The following CNTN5 variants were observed in gnomAD, a reference collection of about 807,000 sequenced individuals.
The protein encoded by CNTN5 is contactin-5.
Under a neutral mutation model 129.1 loss-of-function variants are expected in CNTN5, and 77 were observed. The ratio of observed to expected loss-of-function variants is 0.60; its 90% CI spans 0.50 to 0.72. The LOEUF (loss-of-function observed/expected upper bound fraction) is 0.72. CNTN5 is among the 30% of genes least tolerant of loss of function. The pLI is 0.00. For missense variants in CNTN5, 1,478 were observed against 1,328.8 expected (o/e 1.11, Z -1.75); for synonymous variants, 509 against 465.6 (o/e 1.09, Z -1.20).
At chr11:99,274,956 A>T (rs1295643924) in intron 1 of CNTN5, among the ~76,000 whole-genome samples, 1 of 151,674 alleles carries the variant, frequency 6.6e-6, no homozygotes, top group African/African-American at 2.4e-5. Flanking sequence ...ACACATCAAA[A>T]TAGTATTGAT....
At chr11:100,353,251 T>C (rs527910937) in intron 24 of CNTN5, among the ~76,000 whole-genome samples, 3 of 151,688 alleles carry the variant, frequency 2.0e-5, no homozygotes, top group African/African-American at 7.2e-5. Context: ...TCTTACACTA[T>C]TGTCTACCTT....
chr11:99,588,188 C>CA (rs1387374848), intron 3 of CNTN5, among the ~76,000 whole-genome samples: 2 of 151,874 alleles, frequency 1.3e-5, no homozygotes, highest in African/African-American at 4.8e-5. Context: ...CTAAAACACA[C>CA]AAAAAATTAG....
chr11:100,018,339 C>G (rs1036671452), intron 9 of CNTN5, among the ~76,000 whole-genome samples: 4 of 151,946 alleles, frequency 2.6e-5, no homozygotes, highest in African/African-American at 7.2e-5. Flanking sequence ...CCCCAGGAAA[C>G]TGATCCTGTA....
chr11:99,988,457 C>G lies in CNTN5; in HGVS notation c.878-13577C>G, dbSNP rs570282115. 3.3e-5 allele frequency among the ~76,000 whole-genome samples: 5 copies of G among 152,248 alleles called. No homozygotes were observed. In the South Asian group the frequency reaches 1.0e-3, roughly 32 times the overall value. On this transcript the variant is annotated intron_variant, in intron 8 of 24. Coordinates refer to ENST00000524871, the MANE Select transcript of CNTN5 (RefSeq NM_014361.4). ...TGAGTAAGAAACTCTTTGGAGGGAA[C>G]ATTCCTTCTGAAGAATGATAAAACT... is the stretch of plus-strand genomic sequence containing the variant.
intron 2 of CNTN5, among the ~76,000 whole-genome samples, chr11:99,420,950 G>A (rs1942859944): frequency 6.6e-6 from 1 of 152,130 alleles, no homozygotes; most frequent in Admixed American, 6.5e-5. Context: ...CAGAATCACA[G>A]CTTCTCGGAA....
At chr11:100,085,594 G>A (rs1287245513) in intron 13 of CNTN5, among the ~76,000 whole-genome samples, 1 of 151,960 alleles carries the variant, frequency 6.6e-6, no homozygotes. Flanking sequence ...TATAAAATAG[G>A]ATAAACTAAG....
intron 21 of CNTN5, 95 bp downstream of exon 21, chr11:100,308,563 G>A (rs950096323): frequency 2.8e-6 from 4 of 1,433,634 alleles, no homozygotes; most frequent in Admixed American, 5.8e-5. Context: ...AATTTCAACA[G>A]AATTTCTTAG....
At chr11:99,705,035 A>G (rs981252838) in intron 3 of CNTN5, among the ~76,000 whole-genome samples, 1 of 151,366 alleles carries the variant, frequency 6.6e-6, no homozygotes, top group Non-Finnish European at 1.5e-5. Flanking sequence ...TTTATTTTGG[A>G]AAAAGCTAAT....
intron 1 of CNTN5, among the ~76,000 whole-genome samples, chr11:99,199,316 A>T (rs1859053010): frequency 6.6e-6 from 1 of 152,200 alleles, no homozygotes; most frequent in African/African-American, 2.4e-5. Flanking sequence ...AGTAAGAAAA[A>T]ACATGAAGTG....
At chr11:100,314,411 A>G (rs1951536909) in intron 21 of CNTN5, among the ~76,000 whole-genome samples, 1 of 152,152 alleles carries the variant, frequency 6.6e-6, no homozygotes, top group South Asian at 2.1e-4. Context: ...TAGAGCAGGT[A>G]AATTAGAAAC....
chr11:99,663,809 A>G (rs764687578), intron 3 of CNTN5, among the ~76,000 whole-genome samples: 67 of 152,312 alleles, frequency 4.4e-4, no homozygotes, highest in Non-Finnish European at 5.9e-4. Flanking sequence ...GTGTGAGTCA[A>G]TTAAACCTCT....
At chr11:99,979,233 T>G (rs1938186338) in intron 8 of CNTN5, among the ~76,000 whole-genome samples, 1 of 152,088 alleles carries the variant, frequency 6.6e-6, no homozygotes, top group Non-Finnish European at 1.5e-5. Context: ...AATGATCCTG[T>G]CAAAAGAAGT....
intron 2 of CNTN5, among the ~76,000 whole-genome samples, chr11:99,382,076 C>T (rs1565536789): frequency 1.3e-5 from 2 of 152,018 alleles, no homozygotes; most frequent in Admixed American, 1.3e-4. Context: ...ACAAATGCCT[C>T]AGGGAAAAAT....
chr11:99,469,504 A>G (rs2135268809), intron 2 of CNTN5, among the ~76,000 whole-genome samples: 1 of 152,074 alleles, frequency 6.6e-6, no homozygotes, highest in East Asian at 1.9e-4. Context: ...TTCCCACTTA[A>G]CTTACTGTAT....
chr11:99,468,592 C>T (rs1945037946), intron 2 of CNTN5, among the ~76,000 whole-genome samples: 1 of 151,688 alleles, frequency 6.6e-6, no homozygotes, highest in Non-Finnish European at 1.5e-5. Flanking sequence ...CTTCTTTCCA[C>T]TCAAATTCTT....
chr11:99,585,107 T>G (rs1178993189), intron 3 of CNTN5, among the ~76,000 whole-genome samples: 2 of 152,176 alleles, frequency 1.3e-5, no homozygotes, highest in African/African-American at 4.8e-5. Flanking sequence ...ACACACAGTG[T>G]TACAAAATCA....
intron 2 of CNTN5, among the ~76,000 whole-genome samples, chr11:99,511,408 C>G (rs370729910): frequency 0.026 from 3,921 of 152,002 alleles, 64 homozygotes; most frequent in Middle Eastern, 0.071. Context: ...GTCTGAGAGA[C>G]AGTTTGTTAT....
chr11:100,042,109 C>T (rs995240765), intron 9 of CNTN5, among the ~76,000 whole-genome samples: 21 of 152,186 alleles, frequency 1.4e-4, no homozygotes, highest in Non-Finnish European at 3.1e-4. Context: ...AAGCTTTGCA[C>T]TCACTGCCCC....
chr11:99,300,986 G>A (rs567861003), intron 1 of CNTN5, among the ~76,000 whole-genome samples: 1 of 151,786 alleles, frequency 6.6e-6, no homozygotes, highest in Non-Finnish European at 1.5e-5. Flanking sequence ...GTGGGGAGCA[G>A]TACCTAAGGT....
Sources: gnomAD v4.1 joint callset for allele counts (sites outside exome capture counted in the v4.1 genomes callset) on GRCh38, gnomAD v4.1.1 for gene constraint, MANE v1.5 for transcripts, NCBI Gene and HGNC (gene_info 2026-07-23, HGNC 2026-07-21) for gene names.